Variants in MPP3 observed in about 807,000 individuals in gnomAD.
MPP3 encodes MAGUK p55 subfamily member 3.
In MPP3, 48 loss-of-function variants were observed where a neutral mutation model predicts 80.7. The observed-to-expected ratio is 0.59, with a 90% CI of 0.47 to 0.76. The LOEUF is 0.76. MPP3 is among the 30% of genes least tolerant of loss of function. The pLI, the probability that MPP3 is intolerant of heterozygous loss-of-function variation, is 0.00. For missense variants in MPP3, 620 were observed against 763.0 expected, an observed-to-expected ratio of 0.81 and a Z score of 2.21; for synonymous variants, 311 against 297.6, an observed-to-expected ratio of 1.04 and a Z score of -0.46.
At chr17:43,820,758 T>G in intron 11 of MPP3, 104 bp downstream of exon 11, 2 of 1,064,644 alleles carry the variant, frequency 1.9e-6, no homozygotes, top group Non-Finnish European at 2.8e-6. Context: ...GGAACAATGC[T>G]CAGCAGGCCC....
chr17:43,820,800 T>C, intron 11 of MPP3, 62 bp downstream of exon 11: 1 of 1,513,160 alleles, frequency 6.6e-7, no homozygotes, highest in South Asian at 1.2e-5. Context: ...CTTGGGGGTC[T>C]GCCATGTACC....
chr17:43,820,020 C>T (rs2045344662), intron 11 of MPP3, among the ~76,000 whole-genome samples: 1 of 152,140 alleles, frequency 6.6e-6, no homozygotes, highest in South Asian at 2.1e-4. Flanking sequence ...TAACAGCTCA[C>T]TGAAGCCTTG....
intron 10 of MPP3, among the ~76,000 whole-genome samples, chr17:43,821,631 T>C (rs1013160590): frequency 6.6e-6 from 1 of 152,200 alleles, no homozygotes; most frequent in Non-Finnish European, 1.5e-5. Flanking sequence ...CAAGCCCTAA[T>C]TCCCCCCTCT....
intron 5 of MPP3, among the ~76,000 whole-genome samples, chr17:43,830,660 G>T (rs2045919067): frequency 1.3e-5 from 2 of 152,134 alleles, no homozygotes; most frequent in Admixed American, 1.3e-4. Flanking sequence ...AAGGGCCCAG[G>T]GCTCTGCACC....
chr17:43,831,190 G>C lies in MPP3; in HGVS notation c.222+54C>G, dbSNP rs987636275. ...TAAGCAAGCGAGGCAAGATGAAGGA[G>C]CCCTACAGGGTGGGGAGTGGGGCAG... is the stretch of plus-strand genomic sequence containing the variant. On this transcript the variant is annotated intron_variant, in intron 5 of 19. Transcript: ENST00000398389. 1.9e-5 allele frequency: 29 copies of C among 1,534,968 alleles called. No individual in the cohort carries two copies. The Admixed American group carries it at 4.7e-4, about 25-fold the overall frequency.
At chr17:43,821,362 G>A (rs1193181180) in intron 10 of MPP3, among the ~76,000 whole-genome samples, 1 of 152,142 alleles carries the variant, frequency 6.6e-6, no homozygotes, top group East Asian at 1.9e-4. Context: ...CAGCCTCTTA[G>A]CATACACACA....
chr17:43,811,340 C>A, intron 16 of MPP3, 135 bp from the exon 17 acceptor site: 1 of 670,302 alleles, frequency 1.5e-6, no homozygotes, highest in Non-Finnish European at 2.6e-6. Flanking sequence ...CATTGCATGT[C>A]CCTGTATCAG....
intron 8 of MPP3, among the ~76,000 whole-genome samples, chr17:43,827,383 A>G (rs2045762087): frequency 7.3e-6 from 1 of 136,124 alleles, no homozygotes; most frequent in African/African-American, 2.8e-5. Flanking sequence ...ACTGGAGTGC[A>G]GCAGCATGAT....
Position 43,816,716 on chromosome 17 carries a change from A to G in MPP3, c.947-19T>C. The G allele has an allele frequency of 6.4e-7, 1 of 1,570,360 alleles. No homozygotes were observed. Among genetic ancestry groups the G allele is most frequent in the Non-Finnish European group, 8.6e-7 (1 of 1,156,890 alleles). ...TGATCATCTGCGGTTTGCACAAAAG[A>G]CAGATGGAACAGCATTAGTGGAGGG... On this transcript the variant is annotated intron_variant, in intron 12 of 19. Transcript: ENST00000398389.
At chr17:43,829,582 T>C in intron 7 of MPP3, 72 bp downstream of exon 7, 1 of 1,563,794 alleles carries the variant, frequency 6.4e-7, no homozygotes, top group Middle Eastern at 1.7e-4. Flanking sequence ...GGGAGGATCT[T>C]GTCCAGTGTT....
intron 11 of MPP3, chr17:43,818,944 A>G (rs1333389213): frequency 5.3e-5 from 8 of 151,992 alleles, no homozygotes; most frequent in Admixed American, 5.2e-4. Flanking sequence ...AAAAAAAAAA[A>G]AAAAATGCAG....
chr17:43,803,168 C>G (rs897570902), intron 19 of MPP3, among the ~76,000 whole-genome samples: 1 of 152,120 alleles, frequency 6.6e-6, no homozygotes, highest in Non-Finnish European at 1.5e-5. Flanking sequence ...ACCTTCCCCA[C>G]TCCCTGACAC....
rs1400438064 is a variant in MPP3 at position 43,814,313 on chromosome 17, C to G, written c.1058G>C (p.Gly353Ala). 1 of 1,611,052 alleles carries G rather than the reference C, an allele frequency of 6.2e-7. No homozygotes were observed. Among genetic ancestry groups the G allele is most frequent in the African/African-American group, 1.3e-5 (1 of 74,900 alleles). Reference sequence around the variant, plus strand: ...GGAGGACATCTTTCCTTCCTGCGAGCCACCCAGTCTCTCCCTACAGCCCAG... The same window carrying G: ...GGAGGACATCTTTCCTTCCTGCGAGGCACCCAGTCTCTCCCTACAGCCCAG... ...FRLGCRERLGGSQEGKMSSGA... is the reference protein window; with the variant it reads ...FRLGCRERLGASQEGKMSSGA... Residue 353 changes from glycine (G) to alanine (A), a missense_variant, in exon 15 of 20, where the codon GGC becomes GCC. Physicochemically the swap from Gly to Ala is moderately conservative, Grantham distance 60. Transcript: ENST00000398389.
chr17:43,818,169 G>A, intron 11 of MPP3, 59 bp from the exon 12 acceptor site: 2 of 1,390,066 alleles, frequency 1.4e-6, no homozygotes, highest in Non-Finnish European at 1.9e-6. Flanking sequence ...CCACTTGAAA[G>A]GAACCTTCTG....
chr17:43,818,006 C>G, intron 12 of MPP3, 40 bp downstream of exon 12: 1 of 1,531,812 alleles, frequency 6.5e-7, no homozygotes, highest in South Asian at 1.2e-5. Flanking sequence ...GCCCTAACCC[C>G]GGGCCCTCCC....
chr17:43,818,762 T>TA (rs1328126887), intron 11 of MPP3, among the ~76,000 whole-genome samples: 1 of 151,838 alleles, frequency 6.6e-6, no homozygotes, highest in Non-Finnish European at 1.5e-5. Flanking sequence ...CCGTCTCTAC[T>TA]AAAAAATACA....
chr17:43,832,514 G>T (rs911903650), intron 2 of MPP3, among the ~76,000 whole-genome samples: 23 of 152,194 alleles, frequency 1.5e-4, no homozygotes, highest in Non-Finnish European at 2.8e-4. Flanking sequence ...GGGGAAATGG[G>T]AGTCGGGCTT....
intron 8 of MPP3, among the ~76,000 whole-genome samples, chr17:43,827,015 T>C (rs907152013): frequency 2.3e-5 from 3 of 132,636 alleles, no homozygotes; most frequent in African/African-American, 1.0e-4. Context: ...ATTTTCTTTT[T>C]CTTTTTTTCT....
At chr17:43,829,372 T>A (rs2045854381) in intron 7 of MPP3, among the ~76,000 whole-genome samples, 1 of 152,242 alleles carries the variant, frequency 6.6e-6, no homozygotes, top group South Asian at 2.1e-4. Context: ...GCCCTTGGGC[T>A]GTAGTTTGTC....
Sources: gnomAD v4.1 joint callset for allele counts (sites outside exome capture counted in the v4.1 genomes callset) on GRCh38, gnomAD v4.1.1 for gene constraint, MANE v1.5 for transcripts, NCBI Gene and HGNC (gene_info 2026-07-23, HGNC 2026-07-21) for gene names.